Variants in JMJD1C observed in about 807,000 individuals in gnomAD.
The protein encoded by JMJD1C is jumonji domain-containing protein 1C.
JMJD1C carries 31 observed loss-of-function variants against 245.3 expected under a neutral mutation model. That is an observed-to-expected ratio of 0.13 (90% CI 0.09 to 0.17). The LOEUF (loss-of-function observed/expected upper bound fraction) is 0.17, where lower values mean the gene tolerates loss of function less well. JMJD1C is among the 10% of genes least tolerant of loss of function. JMJD1C has a pLI of 1.00. For missense variants in JMJD1C, 2,691 were observed against 3,000.2 expected (o/e 0.90, Z 2.41); for synonymous variants, 1,057 against 1,017.4 (o/e 1.04, Z -0.74).
chr10:63,390,745 T>C (rs1478591828), intron 1 of JMJD1C, among the ~76,000 whole-genome samples: 1 of 152,044 alleles, frequency 6.6e-6, no homozygotes, highest in Non-Finnish European at 1.5e-5. Flanking sequence ...AAATCGACAG[T>C]CATGAATCAT....
upstream of JMJD1C, among the ~76,000 whole-genome samples, chr10:63,468,493 A>G (rs1006079058): frequency 5.3e-5 from 8 of 152,178 alleles, no homozygotes; most frequent in African/African-American, 9.7e-5. Context: ...ACTTCAGAAT[A>G]TTTGTTTCTT....
chr10:63,433,364 G>A (rs189201121), intron 1 of JMJD1C, among the ~76,000 whole-genome samples: 131 of 152,196 alleles, frequency 8.6e-4, no homozygotes, highest in Non-Finnish European at 1.4e-3. Context: ...CCAAAGTGCT[G>A]GGATTACAGG....
Position 63,391,549 on chromosome 10 carries a change from A to T in JMJD1C, c.169-11067T>A, listed in dbSNP as rs1396629991. Among the ~76,000 whole-genome samples, 5 of 151,992 alleles carry T rather than the reference A, an allele frequency of 3.3e-5. No homozygotes were observed. The East Asian group carries it at 9.7e-4, about 29-fold the overall frequency. ...CAACAACAACAACAACAAAAAAGACAATTCCATTTATAATACCTAAAGAAA... is the reference window on the plus strand; with the variant it reads ...CAACAACAACAACAACAAAAAAGACTATTCCATTTATAATACCTAAAGAAA... On this transcript the variant is annotated intron_variant, in intron 1 of 25. Transcript: ENST00000399262.
chr10:63,315,017 G>C (rs1352364689), intron 2 of JMJD1C, among the ~76,000 whole-genome samples: 1 of 144,832 alleles, frequency 6.9e-6, no homozygotes, highest in Non-Finnish European at 1.5e-5. Flanking sequence ...GCAGCAGCAC[G>C]ATCTTGGCTC....
chr10:63,361,731 A>AAT (rs1361666702), intron 2 of JMJD1C, among the ~76,000 whole-genome samples: 9 of 143,480 alleles, frequency 6.3e-5, no homozygotes, highest in African/African-American at 2.5e-4. Flanking sequence ...AAAAAAAAAA[A>AAT]AAAAAAAAAA....
chr10:63,189,558 C>T, intron 17 of JMJD1C, 112 bp from the exon 18 acceptor site: 1 of 846,974 alleles, frequency 1.2e-6, no homozygotes, highest in Non-Finnish European at 1.8e-6. Flanking sequence ...CCACAATATG[C>T]ACTTCTCTTA....
intron 1 of JMJD1C, among the ~76,000 whole-genome samples, chr10:63,446,601 A>G (rs1248873502): frequency 6.6e-6 from 1 of 152,206 alleles, no homozygotes; most frequent in Non-Finnish European, 1.5e-5. Flanking sequence ...TTCCAAGGAG[A>G]GGCAAGAAAG....
intron 24 of JMJD1C, among the ~76,000 whole-genome samples, chr10:63,175,252 T>C (rs564246243): frequency 2.2e-4 from 33 of 152,098 alleles, no homozygotes; most frequent in Non-Finnish European, 4.4e-4. Context: ...ATAGGGTGAA[T>C]CCCAGATTAA....
At chr10:63,281,375 G>A (rs909875908) in intron 2 of JMJD1C, among the ~76,000 whole-genome samples, 8 of 143,754 alleles carry the variant, frequency 5.6e-5, no homozygotes, top group African/African-American at 1.8e-4. Context: ...CGGCCAGACT[G>A]GTTTTGAACT....
At chr10:63,311,208 TA>T (rs35736800) in intron 2 of JMJD1C, among the ~76,000 whole-genome samples, 3,480 of 128,648 alleles carry the variant, frequency 0.027, 57 homozygotes, top group Non-Finnish European at 0.039. Flanking sequence ...CCGGCTCTAT[TA>T]AAAAAAAAAA....
chr10:63,442,116 G>A lies in JMJD1C; in HGVS notation c.168+23379C>T, dbSNP rs199558317. Among the ~76,000 whole-genome samples, 28 of 152,272 alleles carry A rather than the reference G, an allele frequency of 1.8e-4. No homozygotes were observed. In the East Asian group the frequency reaches 5.0e-3, roughly 27 times the overall value. On this transcript the variant is annotated intron_variant, in intron 1 of 25. Transcript: ENST00000399262. ...ACCTGGTAAAATGATGTACAGACAA[G>A]CAACCAAAAATACTGTCCAAAGATT...
intron 1 of JMJD1C, among the ~76,000 whole-genome samples, chr10:63,452,612 T>TA (rs1451312576): frequency 6.6e-6 from 1 of 152,098 alleles, no homozygotes; most frequent in African/African-American, 2.4e-5. Flanking sequence ...AGCAGGGACT[T>TA]AAATAGATAT....
At chr10:63,394,636 G>A (rs1230610467) in intron 1 of JMJD1C, among the ~76,000 whole-genome samples, 1 of 151,900 alleles carries the variant, frequency 6.6e-6, no homozygotes, top group Non-Finnish European at 1.5e-5. Flanking sequence ...CCTGAGGTTG[G>A]GAGTTCGAGA....
At chr10:63,327,078 C>T (rs1194464208) in intron 2 of JMJD1C, among the ~76,000 whole-genome samples, 3 of 151,710 alleles carry the variant, frequency 2.0e-5, no homozygotes, top group Non-Finnish European at 4.4e-5. Context: ...TCCCAGCTAC[C>T]GAGGAGGCTG....
Position 63,392,718 on chromosome 10 carries a change from G to A in JMJD1C, c.169-12236C>T, listed in dbSNP as rs1298097232. Reference sequence around the variant, plus strand: ...CATGCACCTGTAATCCCAGCTACTCGGGAGGCTGAAGCAAGAGAACTGCTT... The same window carrying A: ...CATGCACCTGTAATCCCAGCTACTCAGGAGGCTGAAGCAAGAGAACTGCTT... On this transcript the variant is annotated intron_variant, in intron 1 of 25. Transcript: ENST00000399262. 4.6e-5 allele frequency among the ~76,000 whole-genome samples: 7 copies of A among 151,186 alleles called. No homozygotes were observed. The South Asian group carries it at 6.3e-4, about 14-fold the overall frequency.
intron 1 of JMJD1C, among the ~76,000 whole-genome samples, chr10:63,381,881 G>A (rs2134512160): frequency 6.6e-6 from 1 of 152,244 alleles, no homozygotes; most frequent in Non-Finnish European, 1.5e-5. Context: ...TGTCTGTACT[G>A]ATGACTCTAG....
rs538313806 is a variant in JMJD1C, at chr10:63,465,851, T to G, written c.-189A>C. On this transcript the variant is annotated 5_prime_UTR_variant, in exon 1 of 26. Coordinates refer to ENST00000399262, the MANE Select transcript of JMJD1C (RefSeq NM_032776.3). ...GACCTCGGGCCCTCCCCGCAAACAC[T>G]CCTTTGGACTCCCAGATTCGCAGCC... 219 of 702,240 alleles carry G rather than the reference T, an allele frequency of 3.1e-4. No homozygotes were observed. Among genetic ancestry groups the G allele is most frequent in the Non-Finnish European group, 5.2e-4 (203 of 388,726 alleles). 43.5% of individuals were successfully genotyped at this position (702,240 alleles called of 1,614,324 possible). A position where few individuals can be genotyped will look rare whatever the true frequency, so the allele number is the denominator to read the frequency against.
rs10995525 is a variant in JMJD1C at position 63,377,353 on chromosome 10, C to T, written c.333+2965G>A. Among the ~76,000 whole-genome samples the T allele has an allele frequency of 6.2e-3, 945 of 152,312 alleles. 11 individuals are homozygous for T. Among genetic ancestry groups the T allele is most frequent in the African/African-American group, 0.021 (873 of 41,564 alleles). ...GTAACACACAACACGAATGTACTTA[C>T]TACCAATGACCCGTGTACTCAAAAA... On this transcript the variant is annotated intron_variant, in intron 2 of 25. Transcript: ENST00000399262.
intron 2 of JMJD1C, among the ~76,000 whole-genome samples, chr10:63,305,039 T>A (rs1937822538): frequency 6.6e-6 from 1 of 152,072 alleles, no homozygotes; most frequent in South Asian, 2.1e-4. Context: ...CTCGGGAGGC[T>A]GAGGTGGGAG....
Sources: gnomAD v4.1 joint callset for allele counts (sites outside exome capture counted in the v4.1 genomes callset) on GRCh38, gnomAD v4.1.1 for gene constraint, MANE v1.5 for transcripts, NCBI Gene and HGNC (gene_info 2026-07-23, HGNC 2026-07-21) for gene names.